Variants in CCSAP observed in about 807,000 individuals in gnomAD.
CCSAP encodes centriole, cilia and spindle-associated protein.
CCSAP carries 17 observed loss-of-function variants against 25.9 expected under a neutral mutation model. The observed-to-expected ratio is 0.66, with a 90% CI of 0.45 to 0.99. The LOEUF (loss-of-function observed/expected upper bound fraction) is 0.99. CCSAP is among the 50% of genes least tolerant of loss of function. The probability of loss-of-function intolerance (pLI) is 0.00; values close to 1 mark genes in which losing one functional copy is unlikely to be tolerated. For missense variants in CCSAP, 339 were observed against 367.8 expected (o/e 0.92, Z 0.64); for synonymous variants, 169 against 157.1 (o/e 1.08, Z -0.57).
chr1:229,324,862 G>A lies in CCSAP; in HGVS notation c.*373C>T, dbSNP rs1657905532. 1.2e-5 allele frequency: 2 copies of A among 162,104 alleles called. No homozygotes were observed. Among genetic ancestry groups the A allele is most frequent in the Admixed American group, 1.2e-4 (2 of 16,654 alleles). 10.0% of individuals were successfully genotyped at this position (162,104 alleles called of 1,614,324 possible). On this transcript the variant is annotated 3_prime_UTR_variant, in exon 4 of 4. Coordinates refer to ENST00000284617, the MANE Select transcript of CCSAP (RefSeq NM_145257.5). The stretch of plus-strand genomic sequence containing the variant: ...TCTGGAAAGTTATTTAGAACAAGAT[G>A]ATAATAGGCTCTACCTAAGCTTATG...
intron 2 of CCSAP, among the ~76,000 whole-genome samples, chr1:229,339,220 G>C (rs929209219): frequency 6.6e-6 from 1 of 151,966 alleles, no homozygotes; most frequent in Non-Finnish European, 1.5e-5. Flanking sequence ...CTAGATCAAG[G>C]AAAAATGTCA....
chr1:229,334,687 C>G (rs1658156439), intron 2 of CCSAP, among the ~76,000 whole-genome samples: 1 of 152,028 alleles, frequency 6.6e-6, no homozygotes, highest in Non-Finnish European at 1.5e-5. Context: ...CAAGTCTGAT[C>G]AAGAAACAGA....
intron 2 of CCSAP, among the ~76,000 whole-genome samples, chr1:229,337,680 T>TAG (rs1558252343): frequency 2.2e-5 from 1 of 45,394 alleles, no homozygotes; most frequent in Non-Finnish European, 4.7e-5. Flanking sequence ...CAAAAAAAAA[T>TAG]ATATATATAT....
chr1:229,331,785 CTTT>C lies in CCSAP; in HGVS notation c.368-4782_368-4780del, dbSNP rs199929284. ...CTTCATCTGTGTCCTTTCTAATATC[CTTT>C]TATTATTATTATTATTATTATTATT... On this transcript the variant is annotated intron_variant, in intron 2 of 3. Coordinates refer to ENST00000284617, the MANE Select transcript of CCSAP (RefSeq NM_145257.5). 4.0e-4 allele frequency among the ~76,000 whole-genome samples: 45 copies of C among 111,650 alleles called. 1 individual carries two copies. The highest frequency in any genetic ancestry group is 1.5e-3 in the African/African-American group (43 of 29,114). 73.2% of individuals were successfully genotyped at this position (111,650 alleles called of 152,430 possible). A position where few individuals can be genotyped will look rare whatever the true frequency, so the allele number is the denominator to read the frequency against.
Position 229,342,505 on chromosome 1 carries a change from G to A in CCSAP, c.-40C>T. ...CCTCGAGCGCCAGCCGCTCCTCGCT[G>A]CCCGCAGCCTACGGGACCCGGTACA... On this transcript the variant is annotated 5_prime_UTR_variant, in exon 2 of 4. Transcript: ENST00000284617. The surrounding 1 kb of genome is among the most constrained non-coding windows in gnomAD (Gnocchi z 7.5). 2 of 1,292,358 alleles carry A rather than the reference G, an allele frequency of 1.5e-6. No homozygotes were observed. Among genetic ancestry groups the A allele is most frequent in the Non-Finnish European group, 2.0e-6 (2 of 1,009,586 alleles). 80.1% of individuals were successfully genotyped at this position (1,292,358 alleles called of 1,614,324 possible). A position where few individuals can be genotyped will look rare whatever the true frequency, so the allele number is the denominator to read the frequency against.
chr1:229,326,693 G>C (rs1341763508), intron 3 of CCSAP, 45 bp downstream of exon 3: 1 of 1,604,156 alleles, frequency 6.2e-7, no homozygotes, highest in East Asian at 2.2e-5. Flanking sequence ...GGCCCAGCTG[G>C]CCACTCTCAA....
intron 2 of CCSAP, among the ~76,000 whole-genome samples, chr1:229,327,835 C>T (rs1164787142): frequency 6.7e-6 from 1 of 148,336 alleles, no homozygotes; most frequent in Non-Finnish European, 1.5e-5. Flanking sequence ...CGCCACTGCA[C>T]TCCAGCCTGG....
At chr1:229,329,751 G>A (rs1196248338) in intron 2 of CCSAP, among the ~76,000 whole-genome samples, 1 of 152,134 alleles carries the variant, frequency 6.6e-6, no homozygotes, top group Non-Finnish European at 1.5e-5. Flanking sequence ...AGCACTTTGG[G>A]AGGCCAACGA....
At chr1:229,326,679 G>A (rs540483059) in intron 3 of CCSAP, 59 bp downstream of exon 3, 37 of 1,590,974 alleles carry the variant, frequency 2.3e-5, no homozygotes, top group Admixed American at 5.1e-5. Context: ...GATGACAGGC[G>A]CATGGCCCAG....
chr1:229,340,312 T>A, intron 2 of CCSAP: 1 of 682,366 alleles, frequency 1.5e-6, no homozygotes, highest in Non-Finnish European at 2.7e-6. Flanking sequence ...TTCTTCCTGA[T>A]GCCTAAACCA....
At chr1:229,326,006 C>G (rs148039894) in intron 3 of CCSAP, among the ~76,000 whole-genome samples, 2,057 of 152,326 alleles carry the variant, frequency 0.014, 24 homozygotes, top group Middle Eastern at 0.02. Context: ...TGCTGTTTAT[C>G]TAGAACTCAA....
At position 229,325,429 on chromosome 1, in the gene CCSAP, TAAAGGATAGTA is replaced by T; in HGVS notation, c.637-29_637-19del. 6.2e-7 allele frequency: 1 copy of T among 1,604,694 alleles called. No individual in the cohort carries two copies. Among genetic ancestry groups the T allele is most frequent in the Non-Finnish European group, 8.5e-7 (1 of 1,176,796 alleles). On this transcript the variant is annotated intron_variant, in intron 3 of 3. Transcript: ENST00000284617. Reference sequence around the variant, plus strand: ...TCATGAATCTAAAGAGAGTTCAAAATAAAGGATAGTAACTTAAGGGGCTATTATACTAATGT... The same window carrying T: ...TCATGAATCTAAAGAGAGTTCAAAATACTTAAGGGGCTATTATACTAATGT...
intron 2 of CCSAP, among the ~76,000 whole-genome samples, chr1:229,338,538 A>AATACACACAC (rs112991384): frequency 4.3e-4 from 61 of 141,906 alleles, no homozygotes; most frequent in African/African-American, 1.6e-3. Flanking sequence ...CCCAAACCCC[A>AATACACACAC]ACACACACAC....
chr1:229,338,958 G>C (rs887401211), intron 2 of CCSAP, among the ~76,000 whole-genome samples: 15 of 151,864 alleles, frequency 9.9e-5, no homozygotes, highest in African/African-American at 2.4e-4. Context: ...AAGAGATTTA[G>C]AAGATACAGC....
Position 229,326,821 on chromosome 1 carries a change from C to T in CCSAP, c.553G>A (p.Ala185Thr). The part of the protein sequence containing the change: ...SKIKENKHPF[A>T]LYGWGEKQTD... ...TGTTTTTCTCCCCAGCCATAAAGAG[C>T]AAATGGATGCTTGTTTTCTTTTATT... Residue 185 changes from alanine (A) to threonine (T), a missense_variant, in exon 3 of 4, where the codon GCT becomes ACT. Transcript: ENST00000284617. 2 of 1,614,216 alleles carry T rather than the reference C, an allele frequency of 1.2e-6. No homozygotes were observed. The highest frequency in any genetic ancestry group is 1.7e-6 in the Non-Finnish European group (2 of 1,180,038).
chr1:229,337,877 G>A (rs1658236764), intron 2 of CCSAP, among the ~76,000 whole-genome samples: 2 of 150,978 alleles, frequency 1.3e-5, no homozygotes, highest in African/African-American at 4.9e-5. Context: ...AACTGTGATA[G>A]GCAGTGATAG....
rs1657917436 is a variant in CCSAP at position 229,325,402 on chromosome 1, A to G, written c.646T>C (p.Ser216Pro). 1.2e-6 allele frequency: 2 copies of G among 1,612,788 alleles called. No individual in the cohort carries two copies. Among genetic ancestry groups the G allele is most frequent in the Non-Finnish European group, 1.7e-6 (2 of 1,179,702 alleles). Residue 216 changes from serine (S) to proline (P), a missense_variant, in exon 4 of 4, where the codon TCA (serine) becomes CCA (proline). Ser to Pro is a moderately conservative substitution (Grantham distance 74). Transcript: ENST00000284617. ...CTTCTGTTCTTGGCTCGTAATGCTG[A>G]TTCATGAATCTAAAGAGAGTTCAAA... ...ASAPVHEIHE[S>P]ALRAKNRRQV...
intron 2 of CCSAP, among the ~76,000 whole-genome samples, chr1:229,329,991 C>T (rs1038827366): frequency 2.6e-5 from 4 of 151,824 alleles, no homozygotes; most frequent in African/African-American, 9.7e-5. Flanking sequence ...AACTCCATCT[C>T]AAAAAAATAA....
chr1:229,341,244 T>G (rs1658326655), intron 2 of CCSAP, among the ~76,000 whole-genome samples: 1 of 151,862 alleles, frequency 6.6e-6, no homozygotes, highest in Non-Finnish European at 1.5e-5. Context: ...GGGATTGTTT[T>G]GAATATTAAA....
Sources: allele counts gnomAD v4.1 joint callset (sites outside exome capture counted in the v4.1 genomes callset), GRCh38; gene constraint gnomAD v4.1.1; non-coding constraint Gnocchi (gnomAD v3.1); transcripts MANE v1.5; gene names NCBI Gene and HGNC (gene_info 2026-07-23, HGNC 2026-07-21).